The following WDR35 variants were observed in gnomAD, a reference collection of about 807,000 sequenced individuals.
WDR35 encodes the protein WD repeat-containing protein 35.
Under a neutral mutation model 158.3 loss-of-function variants are expected in WDR35, and 118 were observed. That is an observed-to-expected ratio of 0.75 (90% confidence interval 0.64 to 0.87). The LOEUF (loss-of-function observed/expected upper bound fraction) is 0.87. WDR35 is among the 40% of genes least tolerant of loss of function. The probability of loss-of-function intolerance (pLI) is 0.00; values close to 1 mark genes in which losing one functional copy is unlikely to be tolerated. For missense variants in WDR35, 1,263 were observed against 1,405.8 expected (o/e 0.90, Z 1.62); for synonymous variants, 448 against 476.1 (o/e 0.94, Z 0.77).
At chr2:19,954,551 C>A (rs553349832) in intron 11 of WDR35, among the ~76,000 whole-genome samples, 7 of 152,166 alleles carry the variant, frequency 4.6e-5, no homozygotes, top group African/African-American at 1.7e-4. Flanking sequence ...CACAAATGGC[C>A]AATAAGCACA....
intron 13 of WDR35, among the ~76,000 whole-genome samples, chr2:19,951,030 CAG>C (rs2103422742): frequency 6.6e-6 from 1 of 152,244 alleles, no homozygotes; most frequent in Non-Finnish European, 1.5e-5. Context: ...CATAAAGAAA[CAG>C]TTAACTATAT....
chr2:19,924,677 G>A (rs375818196), intron 25 of WDR35, among the ~76,000 whole-genome samples: 47 of 152,186 alleles, frequency 3.1e-4, no homozygotes, highest in Non-Finnish European at 6.0e-4. Context: ...CAGAGGGAAA[G>A]CACATTTAGT....
At chr2:19,939,228 C>G (rs1670795734) in intron 17 of WDR35, among the ~76,000 whole-genome samples, 1 of 152,066 alleles carries the variant, frequency 6.6e-6, no homozygotes, top group Non-Finnish European at 1.5e-5. Flanking sequence ...GCTTTGAATT[C>G]ATTTAACTAT....
chr2:19,957,802 C>T (rs1002987887), intron 11 of WDR35, among the ~76,000 whole-genome samples: 1 of 152,170 alleles, frequency 6.6e-6, no homozygotes, highest in Non-Finnish European at 1.5e-5. Context: ...ATCTACCCAC[C>T]TCAGCCTCCC....
At chr2:19,961,382 T>C (rs759293269) in intron 10 of WDR35, among the ~76,000 whole-genome samples, 3 of 152,224 alleles carry the variant, frequency 2.0e-5, no homozygotes, top group Non-Finnish European at 2.9e-5. Flanking sequence ...GTCAACACTA[T>C]AGACATCTCA....
intron 9 of WDR35, among the ~76,000 whole-genome samples, chr2:19,969,050 G>A (rs1371381471): frequency 6.6e-6 from 1 of 152,208 alleles, no homozygotes; most frequent in Non-Finnish European, 1.5e-5. Context: ...GGCAGGGTCT[G>A]GGCTCCTGCA....
chr2:19,922,086 C>T (rs1670184694), intron 25 of WDR35, among the ~76,000 whole-genome samples: 1 of 152,122 alleles, frequency 6.6e-6, no homozygotes, highest in Admixed American at 6.5e-5. Context: ...CTAGAGAGGA[C>T]GTGGAGAAAT....
chr2:19,972,782 G>A lies in WDR35; in HGVS notation c.882+781C>T, dbSNP rs561953713. On this transcript the variant is annotated intron_variant, in intron 8 of 26. Coordinates refer to ENST00000281405, the MANE Select transcript of WDR35 (RefSeq NM_020779.4). ...TATGCAGCCAAAAATATATATCACT[G>A]TAGTCTATGGCGAATTTATAAAAGC... Among the ~76,000 whole-genome samples, 3 of 152,022 alleles carry A rather than the reference G, an allele frequency of 2.0e-5. No homozygotes were observed. The South Asian group carries it at 6.2e-4, about 32-fold the overall frequency.
At chr2:19,945,081 C>T (rs1671004411) in intron 16 of WDR35, among the ~76,000 whole-genome samples, 1 of 152,090 alleles carries the variant, frequency 6.6e-6, no homozygotes, top group Non-Finnish European at 1.5e-5. Context: ...GATTAGGTTA[C>T]CACTCGGATT....
chr2:19,945,930 G>A lies in WDR35; in HGVS notation c.1701C>T (p.Asp567=), dbSNP rs1410819263. The A allele has an allele frequency of 6.2e-7, 1 of 1,613,734 alleles. No individual in the cohort carries two copies. The highest frequency in any genetic ancestry group is 1.7e-5 in the Admixed American group (1 of 59,976). Reference sequence around the variant, plus strand: ...CTCCAACTACTTGCTGTCCCGTACTGTCCGTTACTCGAGCATCCAAGTCAA... The same window carrying A: ...CTCCAACTACTTGCTGTCCCGTACTATCCGTTACTCGAGCATCCAAGTCAA... ...TFFDLDARVT[D]STGQQVVGEL... The change falls in exon 16 of 27, where the codon GAC becomes GAT. Residue 567 remains aspartate (D), a synonymous_variant. Transcript: ENST00000281405.
chr2:19,933,302 C>G, intron 22 of WDR35, 99 bp downstream of exon 22: 1 of 959,096 alleles, frequency 1.0e-6, no homozygotes, highest in South Asian at 1.4e-5. Flanking sequence ...CTTACATTGG[C>G]AATAATCTTT....
At chr2:19,976,588 A>C (rs563344904) in intron 5 of WDR35, among the ~76,000 whole-genome samples, 1 of 152,112 alleles carries the variant, frequency 6.6e-6, no homozygotes, top group South Asian at 2.1e-4. Flanking sequence ...GGACTTCTAG[A>C]GTCTAGAACT....
In WDR35 at chr2:19,938,417, A is replaced by G. The variant is rs776328840; in HGVS notation, c.1927-16T>C. ...GTTCTGGATCCTAAAAGTAAAGATGAAAACAAAAAAATTCAAATATTTGCC... is the reference window on the plus strand; with the variant it reads ...GTTCTGGATCCTAAAAGTAAAGATGGAAACAAAAAAATTCAAATATTTGCC... On this transcript the variant is annotated splice_polypyrimidine_tract_variant and intron_variant, in intron 17 of 26. Transcript: ENST00000281405. 10 of 1,613,228 alleles carry G rather than the reference A, an allele frequency of 6.2e-6. No individual in the cohort carries two copies. The African/African-American group carries it at 1.3e-4, about 22-fold the overall frequency.
chr2:19,972,753 C>T (rs1162079869), intron 8 of WDR35, among the ~76,000 whole-genome samples: 2 of 151,846 alleles, frequency 1.3e-5, no homozygotes, highest in Non-Finnish European at 2.9e-5. Context: ...CTGGTATAGG[C>T]TTTTATGCAG....
chr2:19,918,009 A>T (rs1670042937), intron 25 of WDR35, among the ~76,000 whole-genome samples: 1 of 152,220 alleles, frequency 6.6e-6, no homozygotes, highest in Admixed American at 6.5e-5. Context: ...CGGGCTACCC[A>T]CAAAGGGAAG....
At chr2:19,976,724 G>T (rs1572363933) in intron 5 of WDR35, among the ~76,000 whole-genome samples, 3 of 142,702 alleles carry the variant, frequency 2.1e-5, no homozygotes, top group African/African-American at 7.9e-5. Context: ...CCTCCTTCTT[G>T]AACTCTCTTG....
chr2:19,960,868 C>G (rs577988712), intron 10 of WDR35, among the ~76,000 whole-genome samples: 1 of 152,194 alleles, frequency 6.6e-6, no homozygotes, highest in East Asian at 1.9e-4. Context: ...TAAGAAGACA[C>G]AAGAAACACA....
intron 25 of WDR35, 60 bp downstream of exon 25, chr2:19,930,336 G>T: frequency 6.2e-7 from 1 of 1,609,934 alleles, no homozygotes; most frequent in Admixed American, 1.7e-5. Flanking sequence ...GAAGAAGCTA[G>T]CCCTTCATAC....
intron 4 of WDR35, among the ~76,000 whole-genome samples, chr2:19,980,255 C>T (rs867225065): frequency 6.2e-4 from 94 of 152,090 alleles, no homozygotes; most frequent in African/African-American, 2.1e-3. Context: ...AAAGGTTCTA[C>T]GTATAAAATG....
Sources: gnomAD v4.1 joint callset for allele counts (sites outside exome capture counted in the v4.1 genomes callset) on GRCh38, gnomAD v4.1.1 for gene constraint, MANE v1.5 for transcripts, NCBI Gene and HGNC (gene_info 2026-07-23, HGNC 2026-07-21) for gene names.